The following SLC41A2 variants were observed in gnomAD, a reference collection of about 807,000 sequenced individuals.
The protein encoded by SLC41A2 is solute carrier family 41 member 2.
A neutral mutation model predicts 58.3 loss-of-function variants in SLC41A2; 32 were observed. That is an observed-to-expected ratio of 0.55 (90% CI 0.41 to 0.74). The LOEUF (loss-of-function observed/expected upper bound fraction) is 0.74, where lower values mean the gene tolerates loss of function less well. SLC41A2 is among the 30% of genes least tolerant of loss of function. SLC41A2 has a pLI of 0.00. For synonymous variants in SLC41A2, 190 were observed against 235.0 expected, an observed-to-expected ratio of 0.81 and a Z score of 1.75; for missense variants, 514 against 680.6, an observed-to-expected ratio of 0.76 and a Z score of 2.72.
chr12:104,821,083 T>C (rs2041618467), intron 10 of SLC41A2, among the ~76,000 whole-genome samples: 1 of 152,248 alleles, frequency 6.6e-6, no homozygotes, highest in Non-Finnish European at 1.5e-5. Flanking sequence ...GTTTCTGTGA[T>C]TCTTTTCTTT....
At chr12:104,806,685 T>A (rs2040919266) in intron 10 of SLC41A2, among the ~76,000 whole-genome samples, 1 of 151,868 alleles carries the variant, frequency 6.6e-6, no homozygotes, top group Non-Finnish European at 1.5e-5. Flanking sequence ...CCACCAACAG[T>A]GTAAAAGTGT....
At chr12:104,854,721 C>T (rs553881813) in intron 8 of SLC41A2, among the ~76,000 whole-genome samples, 6 of 152,094 alleles carry the variant, frequency 3.9e-5, no homozygotes, top group Non-Finnish European at 2.9e-5. Flanking sequence ...GTTTTCTTCA[C>T]CCTAGGGTGC....
intron 3 of SLC41A2, among the ~76,000 whole-genome samples, chr12:104,900,657 A>C (rs955558492): frequency 6.6e-6 from 1 of 152,218 alleles, no homozygotes; most frequent in African/African-American, 2.4e-5. Context: ...AACTTAAGAA[A>C]GACACTTTAA....
At chr12:104,911,972 A>C (rs912798355) in intron 2 of SLC41A2, among the ~76,000 whole-genome samples, 3 of 152,348 alleles carry the variant, frequency 2.0e-5, no homozygotes, top group East Asian at 3.9e-4. Context: ...AATGATGAAT[A>C]ACAGATAATA....
intron 10 of SLC41A2, among the ~76,000 whole-genome samples, chr12:104,832,464 A>AC (rs2042070984): frequency 6.6e-6 from 1 of 152,104 alleles, no homozygotes; most frequent in African/African-American, 2.4e-5. Context: ...AAAAATATCA[A>AC]CCCCATCAAC....
At chr12:104,913,850 T>C (rs2046194609) in intron 2 of SLC41A2, among the ~76,000 whole-genome samples, 1 of 152,154 alleles carries the variant, frequency 6.6e-6, no homozygotes, top group Non-Finnish European at 1.5e-5. Flanking sequence ...GGCAGATGGA[T>C]CACTTGAGGT....
chr12:104,819,983 C>T (rs1042859011), intron 10 of SLC41A2, among the ~76,000 whole-genome samples: 2 of 152,230 alleles, frequency 1.3e-5, no homozygotes, highest in Non-Finnish European at 2.9e-5. Context: ...AGTTTCCTAA[C>T]GTCTCAGTAA....
At chr12:104,895,220 T>A (rs2045221636) in intron 4 of SLC41A2, 54 bp downstream of exon 4, 3 of 1,286,446 alleles carry the variant, frequency 2.3e-6, no homozygotes, top group African/African-American at 1.5e-5. Flanking sequence ...TCTTATAGAT[T>A]ACAGTCAAAA....
At chr12:104,893,392 G>A (rs138753767) in intron 4 of SLC41A2, among the ~76,000 whole-genome samples, 2,175 of 152,190 alleles carry the variant, frequency 0.014, 32 homozygotes, top group Middle Eastern at 0.048. Context: ...GGGAACCCTC[G>A]TACACTGTTG....
intron 1 of SLC41A2, among the ~76,000 whole-genome samples, chr12:104,943,654 C>T (rs1378068949): frequency 6.6e-6 from 1 of 152,132 alleles, no homozygotes; most frequent in Non-Finnish European, 1.5e-5. Flanking sequence ...CAGCAGGAAG[C>T]AGTTAGAGCG....
intron 2 of SLC41A2, among the ~76,000 whole-genome samples, chr12:104,910,633 C>G (rs2046043977): frequency 6.6e-6 from 1 of 152,106 alleles, no homozygotes; most frequent in African/African-American, 2.4e-5. Context: ...TCATTATACC[C>G]TCTTCCCTTT....
chr12:104,897,217 C>T (rs1401605991), intron 3 of SLC41A2, among the ~76,000 whole-genome samples: 1 of 143,090 alleles, frequency 7.0e-6, no homozygotes, highest in Non-Finnish European at 1.5e-5. Context: ...ATGATCTTGG[C>T]TCACTGCAAC....
intron 4 of SLC41A2, among the ~76,000 whole-genome samples, chr12:104,889,453 A>G (rs1243911848): frequency 6.6e-6 from 1 of 152,186 alleles, no homozygotes; most frequent in Non-Finnish European, 1.5e-5. Flanking sequence ...TATAACTAAT[A>G]GATCACCTAA....
At chr12:104,862,374 G>C (rs2043244055) in intron 7 of SLC41A2, among the ~76,000 whole-genome samples, 1 of 152,038 alleles carries the variant, frequency 6.6e-6, no homozygotes, top group Non-Finnish European at 1.5e-5. Context: ...AACATTTTAA[G>C]CCCTAATTAA....
chr12:104,939,748 TA>T, intron 1 of SLC41A2, among the ~76,000 whole-genome samples: 1 of 152,202 alleles, frequency 6.6e-6, no homozygotes, highest in South Asian at 2.1e-4. Context: ...CCCACAACAA[TA>T]AAAGAAAAAG....
chr12:104,853,708 A>T (rs978476544), intron 8 of SLC41A2, among the ~76,000 whole-genome samples: 1 of 142,580 alleles, frequency 7.0e-6, no homozygotes. Context: ...TTTTTAAATA[A>T]ATGTATGTAT....
intron 10 of SLC41A2, among the ~76,000 whole-genome samples, chr12:104,821,174 TA>T (rs2041621810): frequency 6.6e-6 from 1 of 152,162 alleles, no homozygotes; most frequent in African/African-American, 2.4e-5. Context: ...ATCAGGGCTT[TA>T]AAAATATGTA....
In SLC41A2 at chr12:104,806,909, GTTGT is replaced by G. The variant is rs902228977; in HGVS notation, c.1537-1576_1537-1573del. Among the ~76,000 whole-genome samples, 742 of 152,252 alleles carry G rather than the reference GTTGT, an allele frequency of 4.9e-3. 8 individuals carry two copies. Among genetic ancestry groups the G allele is most frequent in the African/African-American group, 0.017 (699 of 41,540 alleles). On this transcript the variant is annotated intron_variant, in intron 10 of 10. Coordinates refer to ENST00000258538, the MANE Select transcript of SLC41A2 (RefSeq NM_001352171.3). ...TATCCTTTGCCCACTTGTTGATGGG[GTTGT>G]TTGTTTTTTTCTTGTAAACTTGTTT...
intron 3 of SLC41A2, among the ~76,000 whole-genome samples, chr12:104,898,159 A>AT (rs1156691764): frequency 1.3e-5 from 2 of 152,114 alleles, no homozygotes; most frequent in East Asian, 1.9e-4. Context: ...ACATCAACTA[A>AT]TTTTTTAGGA....
Sources: allele counts gnomAD v4.1 joint callset (sites outside exome capture counted in the v4.1 genomes callset), GRCh38; gene constraint gnomAD v4.1.1; transcripts MANE v1.5; gene names NCBI Gene and HGNC (gene_info 2026-07-23, HGNC 2026-07-21).